NR3C1: variants seen among roughly 807,000 people sequenced by gnomAD.
NR3C1 encodes the protein nuclear receptor subfamily 3 group C member 1, also known as glucocorticoid receptor.
A neutral mutation model predicts 74.0 loss-of-function variants in NR3C1; 14 were observed. The observed-to-expected ratio is 0.19, with a 90% CI of 0.12 to 0.30. NR3C1 has a LOEUF of 0.30. NR3C1 is among the 10% of genes least tolerant of loss of function. The pLI, the probability that NR3C1 is intolerant of heterozygous loss-of-function variation, is 1.00. For missense variants in NR3C1, 695 were observed against 909.8 expected (o/e 0.76, Z 3.04); for synonymous variants, 308 against 332.5 (o/e 0.93, Z 0.80).
chr5:143,404,585 T>G, upstream of NR3C1: 2 of 945,640 alleles, frequency 2.1e-6, no homozygotes, highest in Non-Finnish European at 2.5e-6. Flanking sequence ...GCCTGCCAAG[T>G]TCAACCCCCA....
At chr5:143,389,992 T>G in intron 2 of NR3C1, 5 of 868,240 alleles carry the variant, frequency 5.8e-6, no homozygotes, top group Non-Finnish European at 6.9e-6. Context: ...AGTACAATTC[T>G]AAAAAATCTA....
chr5:143,307,043 C>T (rs921254338), intron 4 of NR3C1, among the ~76,000 whole-genome samples: 5 of 151,722 alleles, frequency 3.3e-5, no homozygotes, highest in African/African-American at 1.2e-4. Context: ...ACTACAGGCG[C>T]CCGCCACCAC....
At chr5:143,402,910 C>G in intron 1 of NR3C1, 1 of 915,012 alleles carries the variant, frequency 1.1e-6, no homozygotes, top group Non-Finnish European at 1.3e-6. Flanking sequence ...AGGATTCCCG[C>G]GAGGAATGAG....
chr5:143,293,345 G>A (rs538838435), intron 7 of NR3C1, among the ~76,000 whole-genome samples: 1 of 152,284 alleles, frequency 6.6e-6, no homozygotes, highest in African/African-American at 2.4e-5. Flanking sequence ...GCAAAGGCAT[G>A]AGAATGATAT....
At chr5:143,417,490 G>A (rs953969417) in intron 1 of NR3C1, among the ~76,000 whole-genome samples, 1 of 152,014 alleles carries the variant, frequency 6.6e-6, no homozygotes, top group African/African-American at 2.4e-5. Context: ...TAACTTTTCT[G>A]AATGTTAGTT....
intron 1 of NR3C1, among the ~76,000 whole-genome samples, chr5:143,402,009 TA>T (rs1266867707): frequency 2.0e-5 from 3 of 152,184 alleles, no homozygotes; most frequent in African/African-American, 7.2e-5. Context: ...TCCCGTCCAA[TA>T]AAAGGTAACT....
intron 7 of NR3C1, chr5:143,294,840 T>C (rs1816813190): frequency 1.3e-6 from 1 of 786,724 alleles, no homozygotes; most frequent in Non-Finnish European, 1.5e-6. Flanking sequence ...TAGTCCTCAA[T>C]AGTATTCCAT....
At chr5:143,346,340 A>G (rs1184003870) in intron 2 of NR3C1, among the ~76,000 whole-genome samples, 1 of 152,206 alleles carries the variant, frequency 6.6e-6, no homozygotes, top group Non-Finnish European at 1.5e-5. Flanking sequence ...GTTCTAGCCT[A>G]GGTCCTAGGA....
At chr5:143,356,390 A>T (rs1831142408) in intron 2 of NR3C1, among the ~76,000 whole-genome samples, 1 of 152,180 alleles carries the variant, frequency 6.6e-6, no homozygotes, top group South Asian at 2.1e-4. Context: ...AATAGAAAAT[A>T]GAAAAAATGA....
intron 2 of NR3C1, among the ~76,000 whole-genome samples, chr5:143,359,880 T>TGCAC (rs1201132721): frequency 6.6e-6 from 1 of 152,182 alleles, no homozygotes; most frequent in Non-Finnish European, 1.5e-5. Context: ...ATCACCCTCC[T>TGCAC]GCACCATAGC....
intron 1 of NR3C1, among the ~76,000 whole-genome samples, chr5:143,412,378 ATTTG>A (rs969564226): frequency 4.1e-4 from 62 of 152,070 alleles, no homozygotes; most frequent in Middle Eastern, 3.4e-3. Flanking sequence ...TGGAGGGGTT[ATTTG>A]TTCATCTCCA....
At chr5:143,298,505 C>T (rs375019118) in intron 6 of NR3C1, among the ~76,000 whole-genome samples, 163 bp downstream of exon 6, 4 of 152,298 alleles carry the variant, frequency 2.6e-5, no homozygotes, top group African/African-American at 9.6e-5. Flanking sequence ...TTACACTTGT[C>T]CTGCCCCAAG....
intron 2 of NR3C1, among the ~76,000 whole-genome samples, chr5:143,378,361 T>G (rs1835593374): frequency 6.6e-6 from 1 of 152,120 alleles, no homozygotes; most frequent in Non-Finnish European, 1.5e-5. Flanking sequence ...ACTAAGGGCT[T>G]CTATGCCAAA....
At chr5:143,426,833 T>A (rs1751553614) in intron 1 of NR3C1, among the ~76,000 whole-genome samples, 1 of 152,254 alleles carries the variant, frequency 6.6e-6, no homozygotes, top group African/African-American at 2.4e-5. Context: ...TGTGAGGCTC[T>A]GATGTGCTAC....
chr5:143,400,635 A>G lies in NR3C1; in HGVS notation c.205T>C (p.Ser69Pro). Residue 69 changes from serine to proline, a missense_variant, in exon 2 of 9, where the codon TCA (serine) becomes CCA (proline). Ser to Pro is a moderately conservative substitution (Grantham distance 74, BLOSUM62 -1). Transcript: ENST00000394464. ...TCTGGCTGCTGCGCATTGCTTACTG[A>G]GCCTTTTGGAAAATCAACCAAAAGT... ...RRLLVDFPKG[S>P]VSNAQQPDLS... The G allele has an allele frequency of 6.2e-7, 1 of 1,614,090 alleles. No individual in the cohort carries two copies. Among genetic ancestry groups the G allele is most frequent in the Non-Finnish European group, 8.5e-7 (1 of 1,179,924 alleles).
chr5:143,371,916 C>G (rs1216713025), intron 2 of NR3C1, among the ~76,000 whole-genome samples: 1 of 152,206 alleles, frequency 6.6e-6, no homozygotes, highest in Non-Finnish European at 1.5e-5. Context: ...TCTTCCCCAT[C>G]TCTGTTCCTT....
chr5:143,394,518 C>T (rs1389948046), intron 2 of NR3C1, among the ~76,000 whole-genome samples: 1 of 151,924 alleles, frequency 6.6e-6, no homozygotes, highest in African/African-American at 2.4e-5. Flanking sequence ...ATGATTATAT[C>T]AACATTAAGA....
At chr5:143,414,700 T>C (rs1841423218) in intron 1 of NR3C1, among the ~76,000 whole-genome samples, 1 of 152,206 alleles carries the variant, frequency 6.6e-6, no homozygotes, top group African/African-American at 2.4e-5. Flanking sequence ...AAATTTGTCT[T>C]TGTTATGACC....
At chr5:143,411,937 A>G (rs1001191756) in intron 1 of NR3C1, among the ~76,000 whole-genome samples, 6 of 152,064 alleles carry the variant, frequency 3.9e-5, no homozygotes, top group Non-Finnish European at 7.4e-5. Flanking sequence ...ATTGGTTGCA[A>G]TGGCAGGGGA....
Sources: allele counts gnomAD v4.1 joint callset (sites outside exome capture counted in the v4.1 genomes callset), GRCh38; gene constraint gnomAD v4.1.1; transcripts MANE v1.5; gene names NCBI Gene and HGNC (gene_info 2026-07-23, HGNC 2026-07-21).